The following GABRB1 variants were observed in gnomAD, a reference collection of about 807,000 sequenced individuals.
GABRB1 encodes the protein gamma-aminobutyric acid receptor subunit beta-1.
In GABRB1, 17 loss-of-function variants were observed where a neutral mutation model predicts 51.6. The observed-to-expected ratio is 0.33, with a 90% CI of 0.23 to 0.49. GABRB1 has a LOEUF of 0.49. Among genes scored for constraint, GABRB1 ranks in the 20% least tolerant of loss-of-function variants. The pLI is 0.99. For synonymous variants in GABRB1, 247 were observed against 218.9 expected (o/e 1.13, Z -1.14); for missense variants, 410 against 600.6 (o/e 0.68, Z 3.32).
intron 5 of GABRB1, among the ~76,000 whole-genome samples, chr4:47,332,436 G>T (rs1326411512): frequency 6.6e-6 from 1 of 152,032 alleles, no homozygotes; most frequent in African/African-American, 2.4e-5. Flanking sequence ...TCTTATGAGG[G>T]GTCTTGGATT....
intron 3 of GABRB1, among the ~76,000 whole-genome samples, chr4:47,110,382 T>G (rs906594400): frequency 5.9e-5 from 9 of 152,210 alleles, no homozygotes; most frequent in African/African-American, 2.2e-4. Context: ...CTGAACATAG[T>G]CTATGCTATC....
chr4:47,236,300 C>G (rs966899481), intron 4 of GABRB1, among the ~76,000 whole-genome samples: 6 of 151,800 alleles, frequency 4.0e-5, no homozygotes, highest in African/African-American at 1.5e-4. Context: ...GGACACTTGC[C>G]CTGCCAACAA....
chr4:47,212,257 T>C (rs1004125627), intron 4 of GABRB1, among the ~76,000 whole-genome samples: 12 of 152,280 alleles, frequency 7.9e-5, no homozygotes, highest in Admixed American at 7.2e-4. Flanking sequence ...TGCCTGGGTC[T>C]CCCATTGGCC....
At chr4:47,206,388 A>G (rs958317501) in intron 4 of GABRB1, among the ~76,000 whole-genome samples, 5 of 152,016 alleles carry the variant, frequency 3.3e-5, no homozygotes, top group East Asian at 3.8e-4. Flanking sequence ...TAAATATACA[A>G]TGATCTCACA....
At chr4:47,214,108 G>A (rs571175759) in intron 4 of GABRB1, among the ~76,000 whole-genome samples, 1 of 152,242 alleles carries the variant, frequency 6.6e-6, no homozygotes, top group South Asian at 2.1e-4. Flanking sequence ...AGAGTAGAAT[G>A]CATTAGTCAT....
chr4:47,084,858 A>G (rs1005009088), intron 3 of GABRB1, among the ~76,000 whole-genome samples: 1 of 152,208 alleles, frequency 6.6e-6, no homozygotes, highest in Admixed American at 6.5e-5. Flanking sequence ...TGGCCCATGC[A>G]CTGGGTTTAC....
intron 4 of GABRB1, among the ~76,000 whole-genome samples, chr4:47,281,325 C>A (rs1723286962): frequency 6.6e-6 from 1 of 152,050 alleles, no homozygotes; most frequent in Admixed American, 6.6e-5. Flanking sequence ...AAGGGAAATA[C>A]AAATTAAAAC....
chr4:47,216,907 T>G (rs975659424), intron 4 of GABRB1, among the ~76,000 whole-genome samples: 5 of 151,906 alleles, frequency 3.3e-5, no homozygotes, highest in Admixed American at 3.3e-4. Context: ...AAATGCTTAT[T>G]GCCACATTGT....
intron 4 of GABRB1, among the ~76,000 whole-genome samples, chr4:47,239,593 G>A (rs756935746): frequency 6.6e-6 from 1 of 152,186 alleles, no homozygotes; most frequent in African/African-American, 2.4e-5. Flanking sequence ...CAACTGCTAC[G>A]AGAAACAGAA....
At chr4:47,387,201 A>G (rs1321288014) in intron 5 of GABRB1, among the ~76,000 whole-genome samples, 1 of 152,242 alleles carries the variant, frequency 6.6e-6, no homozygotes, top group Non-Finnish European at 1.5e-5. Flanking sequence ...ACAGTGACTC[A>G]TGACTGTAAT....
chr4:47,083,994 T>A (rs143515491), intron 3 of GABRB1, among the ~76,000 whole-genome samples: 2 of 152,228 alleles, frequency 1.3e-5, no homozygotes, highest in East Asian at 3.9e-4. Flanking sequence ...GGAAAAAATA[T>A]CTGTAAAAGA....
At chr4:47,391,722 T>G (rs1421333006) in intron 5 of GABRB1, among the ~76,000 whole-genome samples, 2 of 152,166 alleles carry the variant, frequency 1.3e-5, no homozygotes, top group Non-Finnish European at 2.9e-5. Context: ...ACCAAATAGG[T>G]CCCTCTATCA....
chr4:47,018,808 T>TGAG (rs879875024), intron 1 of GABRB1, among the ~76,000 whole-genome samples: 4 of 152,072 alleles, frequency 2.6e-5, no homozygotes, highest in African/African-American at 9.7e-5. Context: ...GTGAGTAGGC[T>TGAG]GAGGAGGAGG....
chr4:47,280,635 A>T (rs1283355491), intron 4 of GABRB1, among the ~76,000 whole-genome samples: 1 of 150,928 alleles, frequency 6.6e-6, no homozygotes, highest in East Asian at 1.9e-4. Flanking sequence ...ATCCCCCAAC[A>T]CTATTTTATT....
At chr4:47,278,070 T>C (rs189304563) in intron 4 of GABRB1, among the ~76,000 whole-genome samples, 3 of 152,234 alleles carry the variant, frequency 2.0e-5, no homozygotes, top group Non-Finnish European at 4.4e-5. Flanking sequence ...AAGTTTTATA[T>C]TTGGAGAGAC....
intron 4 of GABRB1, among the ~76,000 whole-genome samples, chr4:47,208,115 A>G (rs555425812): frequency 6.6e-6 from 1 of 152,214 alleles, no homozygotes; most frequent in East Asian, 1.9e-4. Flanking sequence ...GATACACAAT[A>G]AGGGTGTTTG....
intron 3 of GABRB1, among the ~76,000 whole-genome samples, chr4:47,141,600 C>T (rs909854296): frequency 6.6e-6 from 1 of 151,874 alleles, no homozygotes; most frequent in African/African-American, 2.4e-5. Context: ...CATTCACATA[C>T]CTGTATTATT....
intron 3 of GABRB1, among the ~76,000 whole-genome samples, chr4:47,123,799 A>G (rs1464012193): frequency 2.4e-5 from 2 of 83,006 alleles, no homozygotes; most frequent in African/African-American, 4.9e-5. Flanking sequence ...ATAATATATT[A>G]TATATCATAT....
chr4:47,385,600 A>G (rs548944735), intron 5 of GABRB1, among the ~76,000 whole-genome samples: 22 of 152,288 alleles, frequency 1.4e-4, no homozygotes, highest in South Asian at 1.2e-3. Flanking sequence ...GGTTTGCCTC[A>G]CACCAACCAA....
Sources: gnomAD v4.1 joint callset for allele counts (sites outside exome capture counted in the v4.1 genomes callset) on GRCh38, gnomAD v4.1.1 for gene constraint, MANE v1.5 for transcripts, NCBI Gene and HGNC (gene_info 2026-07-23, HGNC 2026-07-21) for gene names.